PRSS38: variants seen among roughly 807,000 people sequenced by gnomAD.
PRSS38 encodes the protein serine protease 38.
In PRSS38, 22 loss-of-function variants were observed where a neutral mutation model predicts 26.8. That is an observed-to-expected ratio of 0.82 (90% CI 0.59 to 1.17). The LOEUF (loss-of-function observed/expected upper bound fraction) is 1.17. PRSS38 is among the 50% of genes most tolerant of loss of function. The pLI, the probability that PRSS38 is intolerant of heterozygous loss-of-function variation, is 0.00. For synonymous variants in PRSS38, 175 were observed against 172.1 expected (o/e 1.02, Z -0.13); for missense variants, 427 against 422.7 (o/e 1.01, Z -0.09).
intron 3 of PRSS38, among the ~76,000 whole-genome samples, chr1:227,838,653 G>A (rs950567402): frequency 3.3e-5 from 5 of 152,108 alleles, no homozygotes; most frequent in African/African-American, 4.8e-5. Flanking sequence ...TATTTGTCAT[G>A]GTGCCAGGAT....
intron 3 of PRSS38, among the ~76,000 whole-genome samples, chr1:227,819,865 C>T (rs776366316): frequency 7.2e-5 from 11 of 151,956 alleles, no homozygotes; most frequent in Non-Finnish European, 1.5e-4. Flanking sequence ...CCAAGGCGGG[C>T]GGTTCACAAG....
intron 3 of PRSS38, among the ~76,000 whole-genome samples, chr1:227,829,634 T>G (rs1420193344): frequency 6.6e-6 from 1 of 152,250 alleles, no homozygotes; most frequent in Non-Finnish European, 1.5e-5. Context: ...AATTTCATTT[T>G]AATTGTTCAT....
intron 3 of PRSS38, among the ~76,000 whole-genome samples, chr1:227,834,269 GGTA>G (rs1665205018): frequency 6.6e-6 from 1 of 152,138 alleles, no homozygotes; most frequent in African/African-American, 2.4e-5. Context: ...CCCAGTTTGG[GGTA>G]CTTTGTGACA....
chr1:227,822,957 A>G (rs1252549603), intron 3 of PRSS38, among the ~76,000 whole-genome samples: 1 of 152,124 alleles, frequency 6.6e-6, no homozygotes, highest in Admixed American at 6.6e-5. Flanking sequence ...TTATTTTTAT[A>G]GATTTAGGAG....
intron 3 of PRSS38, among the ~76,000 whole-genome samples, chr1:227,835,307 C>T (rs1354180338): frequency 6.6e-6 from 1 of 152,194 alleles, no homozygotes. Flanking sequence ...CACTGCTCAT[C>T]TTTAATCCCG....
exon 5 of PRSS38, chr1:227,846,469 A>T: frequency 3.8e-6 from 2 of 531,176 alleles, no homozygotes; most frequent in Non-Finnish European, 6.7e-6. Flanking sequence ...TTTACAAAGC[A>T]AGCCTCTGAG....
At chr1:227,837,741 C>T (rs943101567) in intron 3 of PRSS38, among the ~76,000 whole-genome samples, 2 of 152,152 alleles carry the variant, frequency 1.3e-5, no homozygotes, top group African/African-American at 4.8e-5. Context: ...GTTGCTGCAC[C>T]TCTTTGCCGA....
intron 3 of PRSS38, among the ~76,000 whole-genome samples, chr1:227,821,062 A>G (rs1664996539): frequency 6.6e-6 from 1 of 152,210 alleles, no homozygotes; most frequent in Non-Finnish European, 1.5e-5. Context: ...CCTGTTGCAG[A>G]TAAAAAGTGG....
chr1:227,845,178 A>AATGTGTGGTGGGGCTCCTCCCT (rs1343950219), intron 3 of PRSS38, among the ~76,000 whole-genome samples: 5 of 80,892 alleles, frequency 6.2e-5, no homozygotes, highest in African/African-American at 1.0e-4. Flanking sequence ...GCTCCTCCCT[A>AATGTGTGGTGGGGCTCCTCCCT]ATGTGTGGTG....
chr1:227,830,501 C>CTT lies in PRSS38; in HGVS notation c.583+13039_583+13040dup, dbSNP rs1243159470. Among the ~76,000 whole-genome samples, 118 of 125,134 alleles carry CTT rather than the reference C, an allele frequency of 9.4e-4. 1 individual carries two copies. Among genetic ancestry groups the CTT allele is most frequent in the African/African-American group, 3.1e-3 (103 of 33,754 alleles). 82.1% of individuals were successfully genotyped at this position (125,134 alleles called of 152,430 possible). A position where few individuals can be genotyped will look rare whatever the true frequency, so the allele number is the denominator to read the frequency against. The stretch of plus-strand genomic sequence containing the variant: ...TTCTTGAATTAGTTTAAGGTGTCTA[C>CTT]TTTTTTTTTTTTTTTTTTTGAGATG... On this transcript the variant is annotated intron_variant, in intron 3 of 4. Coordinates refer to ENST00000366757, the Ensembl canonical transcript of PRSS38.
Position 227,845,396 on chromosome 1 carries a change from C to T in PRSS38, c.584-74C>T. On this transcript the variant is annotated intron_variant, in intron 3 of 4. Transcript: ENST00000366757. ...TCTCCATGGGCTATCCCCTTGGTGT[C>T]CACTGTGGGGCAGGGATCCCCCCAC... 4 of 1,041,660 alleles carry T rather than the reference C, an allele frequency of 3.8e-6. No homozygotes were observed. The South Asian group carries it at 4.3e-5, about 11-fold the overall frequency. 64.5% of individuals were successfully genotyped at this position (1,041,660 alleles called of 1,614,324 possible). A position where few individuals can be genotyped will look rare whatever the true frequency, so the allele number is the denominator to read the frequency against.
intron 3 of PRSS38, among the ~76,000 whole-genome samples, chr1:227,833,644 T>A (rs931995369): frequency 6.6e-6 from 1 of 152,188 alleles, no homozygotes; most frequent in Non-Finnish European, 1.5e-5. Context: ...ACCAATGGAA[T>A]GGAATTGAGA....
chr1:227,828,963 G>T (rs973498838), intron 3 of PRSS38, among the ~76,000 whole-genome samples: 2 of 152,162 alleles, frequency 1.3e-5, no homozygotes, highest in Non-Finnish European at 2.9e-5. Flanking sequence ...CATGGGAGAA[G>T]TGTGGTTTCC....
chr1:227,823,394 A>T (rs1328625924), intron 3 of PRSS38, among the ~76,000 whole-genome samples: 3 of 151,906 alleles, frequency 2.0e-5, no homozygotes, highest in Non-Finnish European at 4.4e-5. Context: ...GTTGATGGGC[A>T]CTTGGTTTGG....
At position 227,817,959 on chromosome 1, in the gene PRSS38, A is replaced by C. The variant is rs1345261659; in HGVS notation, c.583+479A>C. On this transcript the variant is annotated intron_variant, in intron 3 of 4. Coordinates refer to ENST00000366757, the Ensembl canonical transcript of PRSS38. ...GACTATGTGTGATTTTTGCACATTGATCTTATATCCAGTCATCTTATAGAA... is the reference window on the plus strand; with the variant it reads ...GACTATGTGTGATTTTTGCACATTGCTCTTATATCCAGTCATCTTATAGAA... Among the ~76,000 whole-genome samples the C allele has an allele frequency of 2.0e-5, 3 of 152,306 alleles. No homozygotes were observed. In the East Asian group the frequency reaches 5.8e-4, roughly 29 times the overall value.
chr1:227,824,895 T>C (rs571479864), intron 3 of PRSS38, among the ~76,000 whole-genome samples: 12 of 152,302 alleles, frequency 7.9e-5, no homozygotes, highest in Admixed American at 5.2e-4. Flanking sequence ...TCATGACCTT[T>C]GCTACTTTTT....
At chr1:227,842,137 G>A (rs889701408) in intron 3 of PRSS38, among the ~76,000 whole-genome samples, 1 of 152,142 alleles carries the variant, frequency 6.6e-6, no homozygotes, top group Non-Finnish European at 1.5e-5. Context: ...GGCCCACCTC[G>A]AACATTTGGA....
At chr1:227,818,361 T>C (rs775652960) in intron 3 of PRSS38, among the ~76,000 whole-genome samples, 3 of 152,216 alleles carry the variant, frequency 2.0e-5, no homozygotes, top group Non-Finnish European at 2.9e-5. Flanking sequence ...ATAGTTCTGC[T>C]CTTTTAATCT....
chr1:227,824,817 A>T (rs990980801), intron 3 of PRSS38, among the ~76,000 whole-genome samples: 2 of 152,100 alleles, frequency 1.3e-5, no homozygotes, highest in African/African-American at 4.8e-5. Flanking sequence ...TTCTCTAATG[A>T]TCAGTGATGT....
Sources: allele counts gnomAD v4.1 joint callset (sites outside exome capture counted in the v4.1 genomes callset), GRCh38; gene constraint gnomAD v4.1.1; transcripts MANE v1.5; gene names NCBI Gene and HGNC (gene_info 2026-07-23, HGNC 2026-07-21).